The following IMPG1 variants were observed in gnomAD, a reference collection of about 807,000 sequenced individuals.
The protein encoded by IMPG1 is interphotoreceptor matrix proteoglycan of 150 kDa.
IMPG1 carries 85 observed loss-of-function variants against 92.0 expected under a neutral mutation model. That is an observed-to-expected ratio of 0.92 (90% CI 0.78 to 1.11). IMPG1 has a LOEUF of 1.11. Ranked by LOEUF, IMPG1 falls within the 50% of genes least tolerant of loss-of-function variation. The probability of loss-of-function intolerance (pLI) is 0.00; values close to 1 mark genes in which losing one functional copy is unlikely to be tolerated. For missense variants in IMPG1, 1,022 were observed against 956.0 expected, an observed-to-expected ratio of 1.07 and a Z score of -0.91; for synonymous variants, 367 against 334.1, an observed-to-expected ratio of 1.10 and a Z score of -1.08.
chr6:75,965,556 T>C (rs1782292137), intron 12 of IMPG1, among the ~76,000 whole-genome samples: 1 of 151,680 alleles, frequency 6.6e-6, no homozygotes, highest in Admixed American at 6.6e-5. Flanking sequence ...CATTTTCTAC[T>C]GGAATTTTTA....
At chr6:75,979,251 G>T (rs1007001277) in intron 12 of IMPG1, among the ~76,000 whole-genome samples, 2 of 152,114 alleles carry the variant, frequency 1.3e-5, no homozygotes, top group African/African-American at 2.4e-5. Flanking sequence ...TATCAGTGAT[G>T]AGGTCCTCAA....
intron 15 of IMPG1, among the ~76,000 whole-genome samples, chr6:75,926,975 C>T (rs1444693810): frequency 6.6e-6 from 1 of 152,202 alleles, no homozygotes; most frequent in East Asian, 1.9e-4. Context: ...TATCATTTCC[C>T]TATCTCATCA....
chr6:76,013,983 G>A (rs1783236815), intron 7 of IMPG1, among the ~76,000 whole-genome samples: 1 of 152,138 alleles, frequency 6.6e-6, no homozygotes, highest in Admixed American at 6.5e-5. Context: ...AACATAAGAG[G>A]AATCACAGTG....
At chr6:76,001,390 T>C (rs944034176) in intron 12 of IMPG1, among the ~76,000 whole-genome samples, 3 of 152,236 alleles carry the variant, frequency 2.0e-5, no homozygotes, top group Admixed American at 1.3e-4. Flanking sequence ...TGGTTAATTA[T>C]AAATGGCATA....
chr6:75,941,353 T>C (rs1698199280), intron 14 of IMPG1, among the ~76,000 whole-genome samples: 1 of 152,228 alleles, frequency 6.6e-6, no homozygotes, highest in African/African-American at 2.4e-5. Context: ...AGGAGAAAAG[T>C]TGACTGTGTG....
chr6:75,949,326 C>A (rs530838492), intron 13 of IMPG1, among the ~76,000 whole-genome samples: 2 of 152,264 alleles, frequency 1.3e-5, no homozygotes, highest in Admixed American at 1.3e-4. Flanking sequence ...CTACCAAAAC[C>A]AAGATGGCCA....
In IMPG1 at chr6:75,971,073, G is replaced by A. The variant is rs565181513; in HGVS notation, c.1292-19979C>T. ...GCAAAGACTTGGAACCAACCCAAAT[G>A]TCCAACAATGATAGACTGGATTAAG... is the stretch of plus-strand genomic sequence containing the variant. On this transcript the variant is annotated intron_variant, in intron 12 of 16. Coordinates refer to ENST00000369950, the MANE Select transcript of IMPG1 (RefSeq NM_001563.4). Among the ~76,000 whole-genome samples the A allele has an allele frequency of 4.0e-3, 603 of 152,088 alleles. 1 individual carries two copies. Among genetic ancestry groups the A allele is most frequent in the Non-Finnish European group, 6.0e-3 (406 of 67,990 alleles).
At chr6:75,924,603 T>C (rs1224342955) in intron 15 of IMPG1, among the ~76,000 whole-genome samples, 1 of 34,704 alleles carries the variant, frequency 2.9e-5, no homozygotes, top group Non-Finnish European at 5.1e-5. Flanking sequence ...TTATATATAA[T>C]TAATTATATA....
At chr6:75,958,933 G>A (rs1407384250) in intron 12 of IMPG1, among the ~76,000 whole-genome samples, 2 of 152,036 alleles carry the variant, frequency 1.3e-5, no homozygotes, top group Non-Finnish European at 2.9e-5. Flanking sequence ...GACAAGTTGC[G>A]ATCCTTTGGA....
chr6:76,032,963 C>T (rs1046146752), intron 4 of IMPG1, among the ~76,000 whole-genome samples: 1 of 152,162 alleles, frequency 6.6e-6, no homozygotes, highest in East Asian at 1.9e-4. Context: ...TAGCAAGAAA[C>T]AGATGACTCT....
intron 5 of IMPG1, among the ~76,000 whole-genome samples, chr6:76,024,032 T>C (rs1161692602): frequency 6.6e-6 from 1 of 152,146 alleles, no homozygotes; most frequent in African/African-American, 2.4e-5. Flanking sequence ...TTGAGCTGTT[T>C]ATATGGGGGA....
chr6:75,928,207 C>CTT (rs35175159), intron 15 of IMPG1, among the ~76,000 whole-genome samples: 8 of 148,074 alleles, frequency 5.4e-5, no homozygotes, highest in Middle Eastern at 3.4e-3. Flanking sequence ...TTCTTTCTTT[C>CTT]TTTTTTTTTT....
chr6:75,974,389 T>TTCTC (rs1782489561), intron 12 of IMPG1, among the ~76,000 whole-genome samples: 1 of 94,954 alleles, frequency 1.1e-5, no homozygotes, highest in Non-Finnish European at 2.2e-5. Context: ...CTTTCTTTCT[T>TTCTC]TCTTTTCTTT....
intron 12 of IMPG1, among the ~76,000 whole-genome samples, chr6:76,000,430 T>C (rs1782967661): frequency 6.6e-6 from 1 of 152,232 alleles, no homozygotes; most frequent in Non-Finnish European, 1.5e-5. Flanking sequence ...TCTTCCATTT[T>C]TCTTTCCATT....
At chr6:76,026,859 C>T (rs976646412) in intron 4 of IMPG1, among the ~76,000 whole-genome samples, 2 of 152,154 alleles carry the variant, frequency 1.3e-5, no homozygotes, top group Non-Finnish European at 2.9e-5. Flanking sequence ...TTTTGTTATA[C>T]ATCCTGAGGG....
chr6:75,924,728 T>TATA (rs1554226578), intron 15 of IMPG1, among the ~76,000 whole-genome samples: 1 of 34,046 alleles, frequency 2.9e-5, no homozygotes, highest in East Asian at 1.5e-3. Flanking sequence ...ATAATATAAT[T>TATA]ATATATAATA....
intron 12 of IMPG1, among the ~76,000 whole-genome samples, chr6:75,974,741 C>A (rs1259441675): frequency 6.6e-6 from 1 of 152,088 alleles, no homozygotes; most frequent in Non-Finnish European, 1.5e-5. Context: ...GTCTCAAACT[C>A]CTGACCTCTG....
intron 13 of IMPG1, among the ~76,000 whole-genome samples, chr6:75,948,571 A>T (rs1183059359): frequency 6.6e-6 from 1 of 152,124 alleles, no homozygotes; most frequent in Non-Finnish European, 1.5e-5. Flanking sequence ...AAATCGTGGT[A>T]CTTCCCTTTT....
chr6:75,963,075 C>T (rs1171315608), intron 12 of IMPG1, among the ~76,000 whole-genome samples: 2 of 151,236 alleles, frequency 1.3e-5, no homozygotes, highest in East Asian at 3.9e-4. Flanking sequence ...AAAACATTAA[C>T]TCCAGGAAAA....
Sources: gnomAD v4.1 joint callset for allele counts (sites outside exome capture counted in the v4.1 genomes callset) on GRCh38, gnomAD v4.1.1 for gene constraint, MANE v1.5 for transcripts, NCBI Gene and HGNC (gene_info 2026-07-23, HGNC 2026-07-21) for gene names.